Variants in MOV10 observed in about 807,000 individuals in gnomAD.
MOV10 encodes the protein RNA helicase MOV-10.
In MOV10, 39 loss-of-function variants were observed where a neutral mutation model predicts 108.4. That is an observed-to-expected ratio of 0.36 (90% CI 0.28 to 0.47). The LOEUF (loss-of-function observed/expected upper bound fraction) is 0.47. MOV10 is among the 20% of genes least tolerant of loss of function. The probability of loss-of-function intolerance (pLI) is 1.00; values close to 1 mark genes in which losing one functional copy is unlikely to be tolerated. For missense variants in MOV10, 952 were observed against 1,297.6 expected, an observed-to-expected ratio of 0.73 and a Z score of 4.09; for synonymous variants, 490 against 523.1, an observed-to-expected ratio of 0.94 and a Z score of 0.86.
In MOV10 at chr1:112,674,898, G is replaced by T; in HGVS notation, c.-15G>T. 1 of 1,550,860 alleles carries T rather than the reference G, an allele frequency of 6.4e-7. No individual in the cohort carries two copies. Among genetic ancestry groups the T allele is most frequent in the Non-Finnish European group, 8.7e-7 (1 of 1,153,198 alleles). On this transcript the variant is annotated 5_prime_UTR_variant, in exon 2 of 21. Coordinates refer to ENST00000369645, the MANE Select transcript of MOV10 (RefSeq NM_001321324.2). Reference sequence around the variant, plus strand: ...TTCCACGGACCCTCCTGCCTGGGCCGCAGCCGCCGCCGCGATGCCCAGTAA... The same window carrying T: ...TTCCACGGACCCTCCTGCCTGGGCCTCAGCCGCCGCCGCGATGCCCAGTAA...
chr1:112,689,197 G>GCTAT, intron 3 of MOV10, 59 bp downstream of exon 3: 2 of 1,485,212 alleles, frequency 1.3e-6, no homozygotes, highest in Non-Finnish European at 1.8e-6. Context: ...AGGGAAGGGG[G>GCTAT]CTATCTGTGT....
chr1:112,683,575 G>A (rs1005715076), intron 2 of MOV10, among the ~76,000 whole-genome samples: 15 of 152,174 alleles, frequency 9.9e-5, no homozygotes, highest in African/African-American at 3.4e-4. Context: ...CTCAGTTGAA[G>A]TGATCCTCCT....
In MOV10 at chr1:112,694,589, C is replaced by T. The variant is rs1557766727; in HGVS notation, c.1432C>T (p.Pro478Ser). The stretch of plus-strand genomic sequence containing the variant: ...GTGGCCCATGCTCTTTCCTGTGGCA[C>T]CTCGGGACGTCCCGCTGCTGCCCTC... ...LLWPMLFPVA[P>S]RDVPLLPSDV... The change falls in exon 9 of 21, where the codon CCT becomes TCT. Residue 478 changes from proline (P) to serine (S), a missense_variant. Transcript: ENST00000369645. The surrounding 1 kb of genome is among the most constrained non-coding windows in gnomAD (Gnocchi z 4.1). 1.2e-6 allele frequency: 2 copies of T among 1,611,904 alleles called. No individual in the cohort carries two copies. The highest frequency in any genetic ancestry group is 2.2e-5 in the East Asian group (1 of 44,848).
intron 15 of MOV10, 28 bp from the exon 16 acceptor site, chr1:112,698,258 CT>C: frequency 6.2e-7 from 1 of 1,605,846 alleles, no homozygotes; most frequent in Admixed American, 1.7e-5. Flanking sequence ...GGTGGTCTGG[CT>C]GACGGTTTCC....
At chr1:112,696,980 G>C in intron 14 of MOV10, 134 bp downstream of exon 14, 1 of 777,668 alleles carries the variant, frequency 1.3e-6, no homozygotes, top group South Asian at 1.8e-5. Flanking sequence ...TAAACTGGAA[G>C]GCAGGAGGTT....
intron 5 of MOV10, 25 bp downstream of exon 5, chr1:112,690,123 C>T (rs1315648775): frequency 6.2e-7 from 1 of 1,607,858 alleles, no homozygotes. Context: ...CAACTCAGCC[C>T]TGGCTGGGCT....
intron 11 of MOV10, among the ~76,000 whole-genome samples, chr1:112,695,913 G>T (rs41283070): frequency 6.6e-6 from 1 of 152,256 alleles, no homozygotes; most frequent in Non-Finnish European, 1.5e-5. Context: ...ATGGTGGCGC[G>T]TGCCTGTAGC....
chr1:112,698,917 G>A (rs765521434), intron 17 of MOV10, 128 bp downstream of exon 17: 16 of 790,774 alleles, frequency 2.0e-5, no homozygotes, highest in Non-Finnish European at 3.3e-5. Context: ...AATAGAGCTC[G>A]AGCTCTCCCT....
intron 2 of MOV10, among the ~76,000 whole-genome samples, chr1:112,685,416 G>A (rs1461994974): frequency 6.6e-6 from 1 of 151,922 alleles, no homozygotes; most frequent in Non-Finnish European, 1.5e-5. Flanking sequence ...CAGCACTTTG[G>A]GAGGCCGAGG....
chr1:112,697,901 A>C, intron 14 of MOV10, 93 bp from the exon 15 acceptor site: 2 of 992,176 alleles, frequency 2.0e-6, no homozygotes, highest in Non-Finnish European at 1.6e-6. Flanking sequence ...GTAGCAGGCT[A>C]TTGTGTGTGG....
intron 3 of MOV10, 61 bp downstream of exon 3, chr1:112,689,199 T>C (rs1673340198): frequency 4.1e-6 from 6 of 1,455,294 alleles, no homozygotes; most frequent in Non-Finnish European, 5.7e-6. Context: ...GGAAGGGGGC[T>C]ATCTGTGTGA....
intron 7 of MOV10, 128 bp downstream of exon 7, chr1:112,693,057 G>A (rs967039560): frequency 1.1e-6 from 1 of 872,806 alleles, no homozygotes. Flanking sequence ...GGCTCCGCAA[G>A]AAGCAGGGTG....
In MOV10 at chr1:112,696,262, T is replaced by C; in HGVS notation, c.1883+11T>C. On this transcript the variant is annotated intron_variant, in intron 12 of 20. Coordinates refer to ENST00000369645, the MANE Select transcript of MOV10 (RefSeq NM_001321324.2). ...CATCACTGCCGGCAGGTGGGGAGTG[T>C]GTGTGGGTGTGTCTCTGAATCGTAA... 1 of 1,565,512 alleles carries C rather than the reference T, an allele frequency of 6.4e-7. No homozygotes were observed. Among genetic ancestry groups the C allele is most frequent in the Non-Finnish European group, 8.8e-7 (1 of 1,136,112 alleles).
At chr1:112,677,657 A>G (rs1480028367) in intron 2 of MOV10, among the ~76,000 whole-genome samples, 2 of 152,122 alleles carry the variant, frequency 1.3e-5, no homozygotes, top group African/African-American at 4.8e-5. Flanking sequence ...TCAGGTTTAT[A>G]TCTGTCTGCA....
Position 112,694,106 on chromosome 1 carries a change from C to A in MOV10, c.1229C>A (p.Pro410His), listed in dbSNP as rs768104788. Residue 410 changes from proline (P) to histidine (H), a missense_variant, in exon 8 of 21, where the codon CCC becomes CAC. By Grantham distance (77) the Pro-to-His change is moderately conservative (BLOSUM62 -2). Coordinates refer to ENST00000369645, the MANE Select transcript of MOV10 (RefSeq NM_001321324.2). The surrounding 1 kb of genome is among the most constrained non-coding windows in gnomAD (Gnocchi z 4.1). ...LLSSETHQED[P>H]ITYKGFVHKV... is the part of the protein sequence containing the mutation. Reference sequence around the variant, plus strand: ...TCCTCGGAGACACACCAGGAGGACCCCATCACATATAAGGGCTTTGTGCAC... The same window carrying A: ...TCCTCGGAGACACACCAGGAGGACCACATCACATATAAGGGCTTTGTGCAC... 3 of 1,613,908 alleles carry A rather than the reference C, an allele frequency of 1.9e-6. No homozygotes were observed. Among genetic ancestry groups the A allele is most frequent in the Non-Finnish European group, 2.5e-6 (3 of 1,179,982 alleles).
At chr1:112,674,798 A>AG (rs995475525) in intron 1 of MOV10, 50 bp from the exon 2 acceptor site, 54 of 1,066,732 alleles carry the variant, frequency 5.1e-5, no homozygotes, top group Non-Finnish European at 7.2e-5. Flanking sequence ...GGTCAGAGTT[A>AG]GGGGGCTTCC....
upstream of MOV10, chr1:112,674,652 A>AG: frequency 2.9e-6 from 1 of 344,802 alleles, no homozygotes; most frequent in Non-Finnish European, 5.3e-6. Flanking sequence ...GCCCTGAGGG[A>AG]GGGGTCAGAC....
intron 6 of MOV10, 87 bp from the exon 7 acceptor site, chr1:112,692,674 G>A: frequency 1.3e-6 from 2 of 1,517,454 alleles, no homozygotes; most frequent in East Asian, 4.6e-5. Context: ...AGCTTCAGGT[G>A]GGAGAAGGTG....
In MOV10 at chr1:112,700,609, G is replaced by A. The variant is rs779826601; in HGVS notation, c.*102G>A. 1.9e-6 allele frequency: 3 copies of A among 1,555,180 alleles called. No individual in the cohort carries two copies. Among genetic ancestry groups the A allele is most frequent in the Non-Finnish European group, 2.6e-6 (3 of 1,150,206 alleles). On this transcript the variant is annotated 3_prime_UTR_variant, in exon 21 of 21. Transcript: ENST00000369645. ...TGCCCCTCCAAGGGACAGGAAGGCT[G>A]GGGGAGGGAGTTTACAACCCAAGCC...
Sources: gnomAD v4.1 joint callset for allele counts (sites outside exome capture counted in the v4.1 genomes callset) on GRCh38, gnomAD v4.1.1 for gene constraint, Gnocchi (gnomAD v3.1) non-coding constraint, MANE v1.5 for transcripts, NCBI Gene and HGNC (gene_info 2026-07-23, HGNC 2026-07-21) for gene names.